Variants in PCDH11X observed in about 807,000 individuals in gnomAD.
The protein encoded by PCDH11X is protocadherin 11 X-linked.
PCDH11X carries 18 observed loss-of-function variants against 53.3 expected under a neutral mutation model. The observed-to-expected ratio is 0.34, with a 90% CI of 0.23 to 0.50. The LOEUF (loss-of-function observed/expected upper bound fraction) is 0.50, where lower values mean the gene tolerates loss of function less well. PCDH11X is among the 20% of genes least tolerant of loss of function. The pLI, the probability that PCDH11X is intolerant of heterozygous loss-of-function variation, is 0.98. For missense variants in PCDH11X, 570 were observed against 1,032.4 expected, an observed-to-expected ratio of 0.55 and a Z score of 6.14; for synonymous variants, 279 against 393.3, an observed-to-expected ratio of 0.71 and a Z score of 3.44.
chrX:91,921,652 T>A (rs750977924), intron 6 of PCDH11X, among the ~76,000 whole-genome samples: 1 of 103,490 alleles, frequency 9.7e-6, no homozygotes, highest in African/African-American at 3.5e-5. Flanking sequence ...GATCATTTTT[T>A]TTTTAGCAAT....
At chrX:91,924,241 T>TGGAAGA (rs1283095405) in intron 6 of PCDH11X, among the ~76,000 whole-genome samples, 2 of 109,430 alleles carry the variant, frequency 1.8e-5, no homozygotes, top group Non-Finnish European at 3.8e-5. Flanking sequence ...TCCTTAAGTT[T>TGGAAGA]GGAAGAGGGA....
At chrX:92,343,598 AAGAG>A (rs2069817902) in intron 8 of PCDH11X, among the ~76,000 whole-genome samples, 1 of 111,460 alleles carries the variant, frequency 9.0e-6, no homozygotes, top group African/African-American at 3.3e-5. Flanking sequence ...TTTCAAGAAA[AAGAG>A]AATCATATTA....
chrX:92,129,920 C>T (rs1316668215), intron 6 of PCDH11X, among the ~76,000 whole-genome samples: 2 of 111,683 alleles, frequency 1.8e-5, no homozygotes, highest in African/African-American at 3.3e-5. Context: ...CAACATCATT[C>T]TGTGAGATAG....
At chrX:92,083,000 G>A (rs944267300) in intron 6 of PCDH11X, among the ~76,000 whole-genome samples, 54 of 111,542 alleles carry the variant, frequency 4.8e-4, no homozygotes, top group Middle Eastern at 4.7e-3. Context: ...TGATGAATTT[G>A]AGCCTGCCAT....
intron 1 of PCDH11X, among the ~76,000 whole-genome samples, chrX:91,795,428 A>G (rs1935700753): frequency 9.1e-6 from 1 of 110,488 alleles, no homozygotes; most frequent in Non-Finnish European, 1.9e-5. Flanking sequence ...TTTTTAAATC[A>G]CATGTATAAT....
intron 6 of PCDH11X, among the ~76,000 whole-genome samples, chrX:91,962,603 A>G (rs1364858464): frequency 9.0e-6 from 1 of 111,038 alleles, no homozygotes; most frequent in African/African-American, 3.3e-5. Flanking sequence ...TGGGATCTGG[A>G]AGACTGTGGC....
At chrX:92,590,638 C>T (rs759783131) in intron 10 of PCDH11X, among the ~76,000 whole-genome samples, 1 of 111,790 alleles carries the variant, frequency 8.9e-6, no homozygotes, top group East Asian at 2.9e-4. Context: ...GGGACTGGCC[C>T]TATCACAGGG....
At chrX:91,782,713 A>G (rs1381614005) in intron 1 of PCDH11X, among the ~76,000 whole-genome samples, 1 of 110,705 alleles carries the variant, frequency 9.0e-6, no homozygotes, top group Non-Finnish European at 1.9e-5. Flanking sequence ...GGGAGAGACC[A>G]CCATGCTCTT....
In PCDH11X at chrX:92,618,614, G is replaced by T; in HGVS notation, c.3718G>T (p.Ala1240Ser). The change falls in exon 11 of 11, where the codon GCC (alanine) becomes TCC (serine). Residue 1240 changes from alanine to serine, a missense_variant. By Grantham distance (99) the Ala-to-Ser change is moderately conservative (BLOSUM62 1). This residue lies in a region of PCDH11X where 234 missense variants were observed against 296.1 expected (regional missense o/e 0.79). Transcript: ENST00000682573. ...ALHHSPPSAQASALCYSPPLA... is the reference protein window; with the variant it reads ...ALHHSPPSAQSSALCYSPPLA... The stretch of plus-strand genomic sequence containing the variant: ...TCACCACAGCCCACCATCAGCACAG[G>T]CCTCAGCCCTCTGCTACAGCCCTCC... 5.0e-6 allele frequency: 6 copies of T among 1,211,696 alleles called. No individual in the cohort carries two copies. Among genetic ancestry groups the T allele is most frequent in the Non-Finnish European group, 6.7e-6 (6 of 895,431 alleles).
chrX:91,989,788 C>T (rs1365449827), intron 6 of PCDH11X, among the ~76,000 whole-genome samples: 3 of 109,708 alleles, frequency 2.7e-5, no homozygotes, highest in African/African-American at 9.9e-5. Context: ...TGTATTCATT[C>T]AGCTTCTTGG....
intron 4 of PCDH11X, among the ~76,000 whole-genome samples, chrX:91,831,005 G>A (rs1334908954): frequency 2.7e-5 from 3 of 111,522 alleles, no homozygotes; most frequent in African/African-American, 9.7e-5. Flanking sequence ...AAATTCTTCT[G>A]ACAAAGCATT....
intron 7 of PCDH11X, among the ~76,000 whole-genome samples, chrX:92,218,797 A>G (rs751235364): frequency 2.1e-3 from 232 of 111,997 alleles, no homozygotes; most frequent in African/African-American, 7.4e-3. Context: ...AAAAATCTCA[A>G]TAAAATACTG....
At chrX:92,019,619 A>G (rs1193802721) in intron 6 of PCDH11X, among the ~76,000 whole-genome samples, 2 of 112,076 alleles carry the variant, frequency 1.8e-5, no homozygotes, top group Non-Finnish European at 3.8e-5. Flanking sequence ...TTTCGGGTAA[A>G]TAATGAAATT....
At chrX:91,898,379 A>G (rs927965603) in intron 6 of PCDH11X, among the ~76,000 whole-genome samples, 4 of 109,402 alleles carry the variant, frequency 3.7e-5, no homozygotes, top group Admixed American at 9.9e-5. Context: ...GCTCACTTGC[A>G]TGGTAGGAAT....
chrX:92,403,755 A>G (rs927923347), intron 9 of PCDH11X, among the ~76,000 whole-genome samples: 1 of 111,666 alleles, frequency 9.0e-6, no homozygotes, highest in Non-Finnish European at 1.9e-5. Context: ...AATCAGGAAA[A>G]TAGAAGACCT....
intron 6 of PCDH11X, among the ~76,000 whole-genome samples, chrX:92,148,110 CTTTCTTTCTTTCTTTCTTTCTTT>C (rs2065347564): frequency 9.9e-4 from 15 of 15,209 alleles, no homozygotes; most frequent in South Asian, 3.2e-3. Flanking sequence ...TTCTTTCTTT[CTTTCTTTCTTTCTTTCTTTCTTT>C]TTCCTTCCTT....
intron 8 of PCDH11X, among the ~76,000 whole-genome samples, chrX:92,270,697 A>T (rs149566488): frequency 5.4e-3 from 606 of 111,903 alleles, no homozygotes; most frequent in Non-Finnish European, 7.6e-3. Flanking sequence ...CAAAAGGAAC[A>T]AGTAGGGGAA....
intron 6 of PCDH11X, among the ~76,000 whole-genome samples, chrX:92,030,170 C>T (rs751354018): frequency 9.0e-6 from 1 of 111,177 alleles, no homozygotes; most frequent in South Asian, 3.8e-4. Context: ...ACCTTGCTGG[C>T]CAGGATGGTC....
Position 92,403,329 on chromosome X carries a change from G to GTTT in PCDH11X, c.3343+15403_3343+15405dup, listed in dbSNP as rs1178198433. 3.1e-3 allele frequency among the ~76,000 whole-genome samples: 180 copies of GTTT among 58,793 alleles called. 20 individuals carry two copies. The highest frequency in any genetic ancestry group is 0.012 in the East Asian group (15 of 1,289). The allele number at this position is 58,793 out of a possible 115,157, so 51.1% of individuals were successfully genotyped here. A position where few individuals can be genotyped will look rare whatever the true frequency, so the allele number is the denominator to read the frequency against. ...CTGGGATATGTGTCCGGGCATTTAC[G>GTTT]TTTTTTTTTGTTTTTTTTTTTTTTT... On this transcript the variant is annotated intron_variant, in intron 9 of 10. Coordinates refer to ENST00000682573, the MANE Select transcript of PCDH11X (RefSeq NM_032968.5).
Sources: allele counts gnomAD v4.1 joint callset (sites outside exome capture counted in the v4.1 genomes callset), GRCh38; gene constraint gnomAD v4.1.1; regional missense constraint gnomAD v4.1.1; transcripts MANE v1.5; gene names NCBI Gene and HGNC (gene_info 2026-07-23, HGNC 2026-07-21).